Variants in LFNG observed in about 807,000 individuals in gnomAD.
LFNG encodes the protein LFNG O-fucosylpeptide 3-beta-N-acetylglucosaminyltransferase.
A neutral mutation model predicts 32.7 loss-of-function variants in LFNG; 15 were observed. The ratio of observed to expected loss-of-function variants is 0.46; its 90% CI spans 0.31 to 0.71. The LOEUF is 0.71. LFNG is among the 30% of genes least tolerant of loss of function. LFNG has a pLI of 0.06. For missense variants in LFNG, 520 were observed against 545.7 expected (o/e 0.95, Z 0.47); for synonymous variants, 274 against 246.8 (o/e 1.11, Z -1.03).
chr7:2,514,806 CGG>C (rs1779574503), upstream of LFNG, among the ~76,000 whole-genome samples: 1 of 112,396 alleles, frequency 8.9e-6, no homozygotes. Flanking sequence ...ATTCATCTGT[CGG>C]TCTGTCTGTC....
At chr7:2,514,203 C>T (rs930352740), upstream of LFNG, among the ~76,000 whole-genome samples, 2 of 152,258 alleles carry the variant, frequency 1.3e-5, no homozygotes, top group African/African-American at 4.8e-5. Context: ...GCCAGGTCTT[C>T]TCACCCTGAG....
rs1216013397 is a variant in LFNG at position 2,526,982 on chromosome 7, C to T, written c.1073+61C>T. 19 of 1,506,036 alleles carry T rather than the reference C, an allele frequency of 1.3e-5. No individual in the cohort carries two copies. Among genetic ancestry groups the T allele is most frequent in the Admixed American group, 6.9e-5 (4 of 58,040 alleles). 93.3% of individuals were successfully genotyped at this position (1,506,036 alleles called of 1,614,324 possible). On this transcript the variant is annotated intron_variant, in intron 7 of 7. Transcript: ENST00000222725. This position sits in a 1 kb window ranked among gnomAD's most constrained non-coding sequence, Gnocchi z 6.9. ...GTGGCCTAGGGGCGTCAGGGGGCCT[C>T]GTGGAGCTGCAGCAGGGTCTCTCTA...
intron 1 of LFNG, among the ~76,000 whole-genome samples, chr7:2,522,204 G>C (rs1202655484): frequency 2.0e-5 from 3 of 152,242 alleles, no homozygotes; most frequent in Non-Finnish European, 4.4e-5. Flanking sequence ...TGGGGGAAGG[G>C]AGGGAGGAGG....
At position 2,527,431 on chromosome 7, in the gene LFNG, C is replaced by G; in HGVS notation, c.*219C>G. ...GGCGGGCACCAGCGCCACTTATGTG[C>G]CTCTGCTCCGAGGGCCAGTGGGCTG... On this transcript the variant is annotated 3_prime_UTR_variant, in exon 8 of 8. Coordinates refer to ENST00000222725, the MANE Select transcript of LFNG (RefSeq NM_001040167.2). This position sits in a 1 kb window ranked among gnomAD's most constrained non-coding sequence, Gnocchi z 4.4. 2.1e-6 allele frequency: 3 copies of G among 1,445,682 alleles called. No homozygotes were observed. Among genetic ancestry groups the G allele is most frequent in the Non-Finnish European group, 2.7e-6 (3 of 1,098,926 alleles). The allele number at this position is 1,445,682 out of a possible 1,614,324, so 89.6% of individuals were successfully genotyped here. A position where few individuals can be genotyped will look rare whatever the true frequency, so the allele number is the denominator to read the frequency against.
chr7:2,512,783 T>A lies in LFNG; in HGVS notation c.47+82T>A, dbSNP rs1467644113. On this transcript the variant is annotated intron_variant, in intron 1 of 8. Coordinates refer to the LFNG transcript ENST00000402506. Reference sequence around the variant, plus strand: ...TCGTGAACCTGGAGCCCCCTATGTCTCCCCCAGTACCCCTGCATTCTACAC... The same window carrying A: ...TCGTGAACCTGGAGCCCCCTATGTCACCCCCAGTACCCCTGCATTCTACAC... 8 of 1,249,576 alleles carry A rather than the reference T, an allele frequency of 6.4e-6. No individual in the cohort carries two copies. The Admixed American group carries it at 1.4e-4, about 23-fold the overall frequency. 77.4% of individuals were successfully genotyped at this position (1,249,576 alleles called of 1,614,324 possible).
In LFNG at chr7:2,526,684, C is replaced by A; in HGVS notation, c.988-152C>A. On this transcript the variant is annotated intron_variant, in intron 6 of 7. Coordinates refer to ENST00000222725, the MANE Select transcript of LFNG (RefSeq NM_001040167.2). The surrounding 1 kb of genome is among the most constrained non-coding windows in gnomAD (Gnocchi z 6.9). ...GCCCCAGCTGGTCCCCAGTTTGGGA[C>A]CTTATTCCTGGGGTGTGCAGGGCAG... 1 of 771,084 alleles carries A rather than the reference C, an allele frequency of 1.3e-6. No homozygotes were observed. The highest frequency in any genetic ancestry group is 1.5e-5 in the South Asian group (1 of 64,924). 47.8% of individuals were successfully genotyped at this position (771,084 alleles called of 1,614,324 possible).
chr7:2,526,119 G>A lies in LFNG; in HGVS notation c.822-125G>A. 1 of 996,560 alleles carries A rather than the reference G, an allele frequency of 1.0e-6. No homozygotes were observed. 61.7% of individuals were successfully genotyped at this position (996,560 alleles called of 1,614,324 possible). ...GCCAGGGGAGGCAGAGGGAGCTGCA[G>A]CCCAGAGCTCTCCTCAGGGCTCCTC... On this transcript the variant is annotated intron_variant, in intron 5 of 7. Transcript: ENST00000222725. This position sits in a 1 kb window ranked among gnomAD's most constrained non-coding sequence, Gnocchi z 6.9.
In LFNG at chr7:2,519,776, T is replaced by TGGACTGCGCCGCCGGAGCGAC. The variant is rs1779729297; in HGVS notation, c.-83_-63dup. ...GCGCGGGACACTGGTGCTGCGCTGC[T>TGGACTGCGCCGCCGGAGCGAC]GGACTGCGCCGCCGGAGCGACGGGC... On this transcript the variant is annotated 5_prime_UTR_variant, in exon 1 of 8. Transcript: ENST00000222725. The TGGACTGCGCCGCCGGAGCGAC allele has an allele frequency of 1.2e-6, 1 of 800,788 alleles. No individual in the cohort carries two copies. The highest frequency in any genetic ancestry group is 1.9e-5 in the African/African-American group (1 of 53,312). 49.6% of individuals were successfully genotyped at this position (800,788 alleles called of 1,614,324 possible).
upstream of LFNG, chr7:2,513,231 G>A (rs760188326): frequency 1.9e-6 from 3 of 1,607,586 alleles, no homozygotes; most frequent in East Asian, 2.3e-5. Context: ...ATGGAAGGAT[G>A]GACGGACAGA....
chr7:2,522,837 C>T (rs116262746), intron 1 of LFNG, among the ~76,000 whole-genome samples: 1,725 of 152,368 alleles, frequency 0.011, 47 homozygotes, highest in African/African-American at 0.039. Context: ...TGTCTTTGCA[C>T]TTTGTTCTCT....
chr7:2,527,432 C>G lies in LFNG; in HGVS notation c.*220C>G. ...GCGGGCACCAGCGCCACTTATGTGC[C>G]TCTGCTCCGAGGGCCAGTGGGCTGC... On this transcript the variant is annotated 3_prime_UTR_variant, in exon 8 of 8. Transcript: ENST00000222725. The surrounding 1 kb of genome is among the most constrained non-coding windows in gnomAD (Gnocchi z 4.4). 6.9e-7 allele frequency: 1 copy of G among 1,445,640 alleles called. No individual in the cohort carries two copies. The highest frequency in any genetic ancestry group is 1.4e-5 in the South Asian group (1 of 71,322). 89.6% of individuals were successfully genotyped at this position (1,445,640 alleles called of 1,614,324 possible). A position where few individuals can be genotyped will look rare whatever the true frequency, so the allele number is the denominator to read the frequency against.
rs1040977769 is a variant in LFNG, at chr7:2,525,154, C to A, written c.482-65C>A. On this transcript the variant is annotated intron_variant, in intron 2 of 7. Transcript: ENST00000222725. Reference sequence around the variant, plus strand: ...TCGAGCCCCTGGGCCCTGTGGCGTCCCCCAGGCCAGGCCCCTCTCTGGGAG... The same window carrying A: ...TCGAGCCCCTGGGCCCTGTGGCGTCACCCAGGCCAGGCCCCTCTCTGGGAG... The A allele has an allele frequency of 5.6e-6, 8 of 1,431,926 alleles. No homozygotes were observed. In the East Asian group the frequency reaches 1.9e-4, roughly 34 times the overall value. The allele number at this position is 1,431,926 out of a possible 1,614,324, so 88.7% of individuals were successfully genotyped here.
upstream of LFNG, chr7:2,517,621 C>G (rs1779659409): frequency 2.2e-6 from 1 of 449,006 alleles, no homozygotes; most frequent in Non-Finnish European, 4.5e-6. Flanking sequence ...GGCCTGGGAA[C>G]TGTGGGGAGA....
At chr7:2,516,982 G>C (rs1031128164), upstream of LFNG, among the ~76,000 whole-genome samples, 10 of 152,030 alleles carry the variant, frequency 6.6e-5, no homozygotes, top group African/African-American at 2.4e-4. Flanking sequence ...GGACCCTACG[G>C]CCCCAAGAGG....
chr7:2,517,786 C>G, upstream of LFNG: 1 of 999,126 alleles, frequency 1.0e-6, no homozygotes, highest in Non-Finnish European at 1.4e-6. Flanking sequence ...GATTGGGCCT[C>G]AAGAAACGGG....
rs1562556628 is a variant in LFNG, at chr7:2,527,686, C to T, written c.*474C>T. 1.8e-6 allele frequency: 2 copies of T among 1,095,058 alleles called. No homozygotes were observed. The highest frequency in any genetic ancestry group is 2.2e-6 in the Non-Finnish European group (2 of 893,000). 67.8% of individuals were successfully genotyped at this position (1,095,058 alleles called of 1,614,324 possible). A position where few individuals can be genotyped will look rare whatever the true frequency, so the allele number is the denominator to read the frequency against. ...CAAGTACGACTCACTGAGCCATGCT[C>T]ATTGCAGGGGAGGCTGGGTCTGGGG... On this transcript the variant is annotated 3_prime_UTR_variant, in exon 8 of 8. Coordinates refer to ENST00000222725, the MANE Select transcript of LFNG (RefSeq NM_001040167.2). The surrounding 1 kb of genome is among the most constrained non-coding windows in gnomAD (Gnocchi z 4.4).
At chr7:2,522,470 C>T (rs1013335238) in intron 1 of LFNG, among the ~76,000 whole-genome samples, 8 of 152,212 alleles carry the variant, frequency 5.3e-5, no homozygotes, top group African/African-American at 1.4e-4. Flanking sequence ...CAGGCTGCCG[C>T]GCTGCCACCA....
At position 2,527,859 on chromosome 7, in the gene LFNG, G is replaced by C; in HGVS notation, c.*647G>C. On this transcript the variant is annotated 3_prime_UTR_variant, in exon 8 of 8. Transcript: ENST00000222725. This position sits in a 1 kb window ranked among gnomAD's most constrained non-coding sequence, Gnocchi z 4.4. The stretch of plus-strand genomic sequence containing the variant: ...GTGGCACCCCTCCCAGCTCTTCTGA[G>C]TGGGGAGTCTTCCAGGCCTCCTCAG... The C allele has an allele frequency of 1.0e-6, 1 of 998,106 alleles. No individual in the cohort carries two copies. Among genetic ancestry groups the C allele is most frequent in the African/African-American group, 1.7e-5 (1 of 57,622 alleles). The allele number at this position is 998,106 out of a possible 1,614,324, so 61.8% of individuals were successfully genotyped here.
rs1554291257 is a variant in LFNG, at chr7:2,527,337, C to CATGTGCGT, written c.*125_*126insATGTGCGT. 4.6e-5 allele frequency: 67 copies of CATGTGCGT among 1,451,876 alleles called. No individual in the cohort carries two copies. The highest frequency in any genetic ancestry group is 2.4e-4 in the African/African-American group (17 of 69,438). The allele number at this position is 1,451,876 out of a possible 1,614,324, so 89.9% of individuals were successfully genotyped here. A position where few individuals can be genotyped will look rare whatever the true frequency, so the allele number is the denominator to read the frequency against. The stretch of plus-strand genomic sequence containing the variant: ...GGCCGTGCCTGTGCGTGTGCGTGTG[C>CATGTGCGT]GTGTGTGTGTGTGTGTACTGCATGC... On this transcript the variant is annotated 3_prime_UTR_variant, in exon 8 of 8. Transcript: ENST00000222725. The surrounding 1 kb of genome is among the most constrained non-coding windows in gnomAD (Gnocchi z 4.4).
Sources: gnomAD v4.1 joint callset for allele counts (sites outside exome capture counted in the v4.1 genomes callset) on GRCh38, gnomAD v4.1.1 for gene constraint, Gnocchi (gnomAD v3.1) non-coding constraint, MANE v1.5 for transcripts, NCBI Gene and HGNC (gene_info 2026-07-23, HGNC 2026-07-21) for gene names.